The following NR3C2 variants were observed in gnomAD, a reference collection of about 807,000 sequenced individuals.
The protein encoded by NR3C2 is nuclear receptor subfamily 3 group C member 2, also known as mineralocorticoid receptor.
Under a neutral mutation model 86.4 loss-of-function variants are expected in NR3C2, and 15 were observed. The ratio of observed to expected loss-of-function variants is 0.17; its 90% CI spans 0.12 to 0.27. NR3C2 has a LOEUF of 0.27. NR3C2 is among the 10% of genes least tolerant of loss of function. The pLI, the probability that NR3C2 is intolerant of heterozygous loss-of-function variation, is 1.00. For missense variants in NR3C2, 960 were observed against 1,195.6 expected, an observed-to-expected ratio of 0.80 and a Z score of 2.91; for synonymous variants, 458 against 450.5, an observed-to-expected ratio of 1.02 and a Z score of -0.21.
rs151162235 is a variant in NR3C2, at chr4:148,145,137, A to G, written c.2510+7332T>C. On this transcript the variant is annotated intron_variant, in intron 6 of 8. Transcript: ENST00000358102. The stretch of plus-strand genomic sequence containing the variant: ...GAAACTGGTGATAAGCAGCTTCCTG[A>G]TAAGATCTCAGGAGTTGGGTGAGTG... 2.9e-3 allele frequency among the ~76,000 whole-genome samples: 437 copies of G among 152,306 alleles called. 1 individual carries two copies. The highest frequency in any genetic ancestry group is 9.6e-3 in the African/African-American group (401 of 41,572).
At chr4:148,129,084 T>C (rs1009153328) in intron 6 of NR3C2, among the ~76,000 whole-genome samples, 5 of 152,194 alleles carry the variant, frequency 3.3e-5, no homozygotes, top group South Asian at 2.1e-4. Context: ...TTGTTGTTCA[T>C]AGCAGCATTA....
intron 3 of NR3C2, among the ~76,000 whole-genome samples, chr4:148,219,011 TG>T: frequency 2.0e-5 from 3 of 152,312 alleles, no homozygotes; most frequent in Admixed American, 2.0e-4. Context: ...GTTAAGTGTA[TG>T]TTTAATATTT....
chr4:148,093,318 G>T (rs569699396), intron 8 of NR3C2, among the ~76,000 whole-genome samples: 1 of 152,340 alleles, frequency 6.6e-6, no homozygotes, highest in East Asian at 1.9e-4. Flanking sequence ...GCAAAGGAAG[G>T]CTTCTCAGAA....
At chr4:148,258,633 G>A (rs781316391) in intron 3 of NR3C2, among the ~76,000 whole-genome samples, 24 of 152,314 alleles carry the variant, frequency 1.6e-4, no homozygotes, top group Middle Eastern at 6.8e-3. Context: ...GGAATTGCTA[G>A]GAACAGAAAA....
chr4:148,263,285 G>T (rs1474452213), intron 2 of NR3C2, among the ~76,000 whole-genome samples: 2 of 152,090 alleles, frequency 1.3e-5, no homozygotes, highest in South Asian at 2.1e-4. Context: ...TCCAGATTTT[G>T]ATGTTGTGAA....
intron 1 of NR3C2, among the ~76,000 whole-genome samples, chr4:148,441,804 G>T (rs559301726): frequency 2.6e-5 from 4 of 152,298 alleles, no homozygotes; most frequent in Non-Finnish European, 5.9e-5. Context: ...GGGAGCGTCC[G>T]CAATTGATAA....
rs534849823 is a variant in NR3C2 at position 148,300,322 on chromosome 4, AT to A, written c.1758-40206del. 1.7e-3 allele frequency among the ~76,000 whole-genome samples: 255 copies of A among 152,188 alleles called. 1 individual carries two copies. Among genetic ancestry groups the A allele is most frequent in the African/African-American group, 5.5e-3 (230 of 41,518 alleles). ...TCTTCCCCTCCACAAACAGCCCTGAATTTTCCTCTCTCTGAGCACCTGAAAG... is the reference window on the plus strand; with the variant it reads ...TCTTCCCCTCCACAAACAGCCCTGAATTTCCTCTCTCTGAGCACCTGAAAG... On this transcript the variant is annotated intron_variant, in intron 2 of 8. Coordinates refer to ENST00000358102, the MANE Select transcript of NR3C2 (RefSeq NM_000901.5).
intron 3 of NR3C2, among the ~76,000 whole-genome samples, chr4:148,216,829 A>G (rs1737563374): frequency 6.6e-6 from 1 of 152,146 alleles, no homozygotes; most frequent in Admixed American, 6.5e-5. Context: ...TGCTATCTGA[A>G]CATGTTACCT....
In NR3C2 at chr4:148,258,994, T is replaced by C. The variant is rs183829669; in HGVS notation, c.1897+984A>G. On this transcript the variant is annotated intron_variant, in intron 3 of 8. Coordinates refer to ENST00000358102, the MANE Select transcript of NR3C2 (RefSeq NM_000901.5). The stretch of plus-strand genomic sequence containing the variant: ...GTAAAAATCATGTAATATCAATTAA[T>C]GCAAAATCAATCTCAAGAGAAAGAA... Among the ~76,000 whole-genome samples the C allele has an allele frequency of 1.4e-3, 216 of 152,356 alleles. 1 individual carries two copies. Among genetic ancestry groups the C allele is most frequent in the African/African-American group, 5.0e-3 (209 of 41,582 alleles).
chr4:148,341,714 C>G (rs1464782823), intron 2 of NR3C2, among the ~76,000 whole-genome samples: 5 of 151,832 alleles, frequency 3.3e-5, no homozygotes, highest in African/African-American at 9.7e-5. Flanking sequence ...ACATGTACCC[C>G]CAACATAGGT....
chr4:148,212,853 T>C (rs550258324), intron 3 of NR3C2, among the ~76,000 whole-genome samples: 4 of 152,346 alleles, frequency 2.6e-5, no homozygotes, highest in South Asian at 2.1e-4. Flanking sequence ...TACTATGTGA[T>C]AGGCATCGTG....
intron 2 of NR3C2, among the ~76,000 whole-genome samples, chr4:148,429,717 T>C (rs1480325646): frequency 2.0e-5 from 3 of 152,236 alleles, no homozygotes; most frequent in Admixed American, 1.3e-4. Context: ...ATGTTTAAAA[T>C]GAAGACGCTA....
intron 3 of NR3C2, among the ~76,000 whole-genome samples, chr4:148,214,420 T>G (rs535686613): frequency 6.6e-6 from 1 of 152,314 alleles, no homozygotes; most frequent in South Asian, 2.1e-4. Context: ...ATACCCACTT[T>G]CCACAATTTG....
chr4:148,283,665 C>G (rs970634653), intron 2 of NR3C2, among the ~76,000 whole-genome samples: 1 of 152,298 alleles, frequency 6.6e-6, no homozygotes, highest in Non-Finnish European at 1.5e-5. Flanking sequence ...TACAATCCCT[C>G]TATTGGTTTT....
intron 2 of NR3C2, among the ~76,000 whole-genome samples, chr4:148,323,253 C>G (rs375270600): frequency 2.1e-5 from 3 of 140,362 alleles, no homozygotes; most frequent in Non-Finnish European, 4.6e-5. Flanking sequence ...TCTCCAGCTG[C>G]GTGCTGGGAG....
intron 6 of NR3C2, among the ~76,000 whole-genome samples, chr4:148,137,887 TCTCA>T (rs1234411096): frequency 1.3e-5 from 2 of 152,212 alleles, no homozygotes; most frequent in African/African-American, 4.8e-5. Context: ...ATGCCATTCT[TCTCA>T]CTTTTTTTGA....
intron 4 of NR3C2, among the ~76,000 whole-genome samples, chr4:148,164,592 G>A (rs552610360): frequency 6.6e-6 from 1 of 152,270 alleles, no homozygotes; most frequent in Admixed American, 6.5e-5. Context: ...ATAGCACTAT[G>A]ATAGCTGTAG....
At chr4:148,199,703 CCAGA>C (rs1269060543) in intron 3 of NR3C2, among the ~76,000 whole-genome samples, 13 of 152,070 alleles carry the variant, frequency 8.5e-5, no homozygotes, top group African/African-American at 3.1e-4. Flanking sequence ...ACATATGTTC[CCAGA>C]CAATGAGTTA....
chr4:148,337,898 A>G (rs1187370285), intron 2 of NR3C2, among the ~76,000 whole-genome samples: 1 of 152,146 alleles, frequency 6.6e-6, no homozygotes, highest in Non-Finnish European at 1.5e-5. Flanking sequence ...TAATTTTGGA[A>G]AAATGGTATA....
Sources: gnomAD v4.1 joint callset for allele counts (sites outside exome capture counted in the v4.1 genomes callset) on GRCh38, gnomAD v4.1.1 for gene constraint, MANE v1.5 for transcripts, NCBI Gene and HGNC (gene_info 2026-07-23, HGNC 2026-07-21) for gene names.